Variants in SLC13A1 observed in about 807,000 individuals in gnomAD.
SLC13A1 encodes the protein solute carrier family 13 member 1.
In SLC13A1, 65 loss-of-function variants were observed where a neutral mutation model predicts 70.0. That is an observed-to-expected ratio of 0.93 (90% CI 0.76 to 1.14). The LOEUF is 1.14. Among genes scored for constraint, SLC13A1 ranks in the 50% most tolerant of loss-of-function variants. The pLI is 0.00. For synonymous variants in SLC13A1, 275 were observed against 250.5 expected, an observed-to-expected ratio of 1.10 and a Z score of -0.92; for missense variants, 726 against 717.8, an observed-to-expected ratio of 1.01 and a Z score of -0.13.
intron 2 of SLC13A1, among the ~76,000 whole-genome samples, chr7:123,177,188 T>G (rs1295500963): frequency 6.6e-6 from 1 of 152,148 alleles, no homozygotes; most frequent in Non-Finnish European, 1.5e-5. Flanking sequence ...ATTTTCCCAA[T>G]TGGCAGATAA....
intron 8 of SLC13A1, among the ~76,000 whole-genome samples, chr7:123,132,712 T>C (rs1455011116): frequency 1.3e-5 from 2 of 152,216 alleles, no homozygotes; most frequent in Non-Finnish European, 2.9e-5. Context: ...GTTTTATTCA[T>C]AGGTCCTTGA....
At chr7:123,161,839 A>G (rs760719342) in intron 6 of SLC13A1, among the ~76,000 whole-genome samples, 5 of 152,184 alleles carry the variant, frequency 3.3e-5, no homozygotes, top group Admixed American at 6.6e-5. Flanking sequence ...GTGATTCTGT[A>G]AGGAAAAGAG....
At position 123,157,568 on chromosome 7, in the gene SLC13A1, G is replaced by A. The variant is rs966136197; in HGVS notation, c.661-10258C>T. 2.6e-5 allele frequency among the ~76,000 whole-genome samples: 4 copies of A among 151,924 alleles called. No individual in the cohort carries two copies. The South Asian group carries it at 6.2e-4, about 24-fold the overall frequency. On this transcript the variant is annotated intron_variant, in intron 6 of 14. Transcript: ENST00000194130. ...TTCCCTTATACTTTCTTAGGAAAAA[G>A]CATATGTGTATGTGTGTTTGTGTGT...
intron 6 of SLC13A1, among the ~76,000 whole-genome samples, chr7:123,163,554 C>A (rs943840525): frequency 2.0e-4 from 31 of 152,058 alleles, no homozygotes; most frequent in Non-Finnish European, 1.0e-4. Context: ...ATCACGCCAG[C>A]AAAATGATCA....
chr7:123,117,665 T>TAA (rs77661092), intron 13 of SLC13A1, 57 bp from the exon 14 acceptor site: 185 of 865,216 alleles, frequency 2.1e-4, no homozygotes, highest in South Asian at 2.8e-4. Context: ...ACACGAAACA[T>TAA]AAAAAAAAAA....
chr7:123,138,681 T>A (rs959419426), intron 7 of SLC13A1, among the ~76,000 whole-genome samples: 15 of 152,262 alleles, frequency 9.9e-5, no homozygotes, highest in African/African-American at 3.1e-4. Flanking sequence ...TGATGTTGCA[T>A]GCTTTTTCAT....
intron 6 of SLC13A1, among the ~76,000 whole-genome samples, chr7:123,164,658 A>C (rs1462103193): frequency 6.6e-6 from 1 of 151,942 alleles, no homozygotes; most frequent in Non-Finnish European, 1.5e-5. Flanking sequence ...TTATATAGGT[A>C]AACTCATGTC....
intron 3 of SLC13A1, among the ~76,000 whole-genome samples, chr7:123,171,040 A>G (rs897147714): frequency 6.6e-6 from 1 of 152,312 alleles, no homozygotes; most frequent in South Asian, 2.1e-4. Flanking sequence ...ATTATGCAAT[A>G]TAAGTCAATA....
Position 123,123,112 on chromosome 7 carries a change from A to C in SLC13A1, c.1350+14T>G. 1 of 1,533,898 alleles carries C rather than the reference A, an allele frequency of 6.5e-7. No individual in the cohort carries two copies. The highest frequency in any genetic ancestry group is 9.0e-7 in the Non-Finnish European group (1 of 1,107,278). The stretch of plus-strand genomic sequence containing the variant: ...TCTGGTTAATTGTTAAATATCTTAC[A>C]CACAGAGTATTACCTCACAACCATC... On this transcript the variant is annotated intron_variant, in intron 12 of 14. Coordinates refer to ENST00000194130, the MANE Select transcript of SLC13A1 (RefSeq NM_022444.4).
intron 6 of SLC13A1, among the ~76,000 whole-genome samples, chr7:123,158,326 T>G (rs2116482251): frequency 6.6e-6 from 1 of 152,110 alleles, no homozygotes; most frequent in African/African-American, 2.4e-5. Flanking sequence ...AAATAGAGTT[T>G]ACATAAATTA....
chr7:123,190,055 C>T (rs1009221842), intron 1 of SLC13A1, among the ~76,000 whole-genome samples: 1 of 152,106 alleles, frequency 6.6e-6, no homozygotes, highest in African/African-American at 2.4e-5. Context: ...ATGATTCTCT[C>T]ACTTAAAGAT....
intron 2 of SLC13A1, 134 bp downstream of exon 2, chr7:123,180,839 A>C: frequency 2.4e-6 from 2 of 848,274 alleles, no homozygotes; most frequent in East Asian, 2.9e-5. Flanking sequence ...AGAGAGGAGA[A>C]ACAGTTGGAA....
intron 1 of SLC13A1, among the ~76,000 whole-genome samples, chr7:123,186,959 T>C (rs971228457): frequency 5.4e-5 from 8 of 148,726 alleles, no homozygotes; most frequent in Non-Finnish European, 7.4e-5. Flanking sequence ...CTTCTCAAAA[T>C]AAAGAAAGAG....
intron 1 of SLC13A1, among the ~76,000 whole-genome samples, chr7:123,184,078 A>G (rs940461861): frequency 1.8e-4 from 27 of 152,192 alleles, no homozygotes; most frequent in Admixed American, 1.6e-3. Context: ...AAGAAAACCA[A>G]AGGTCTGGAA....
intron 1 of SLC13A1, among the ~76,000 whole-genome samples, chr7:123,188,208 A>T (rs1187396348): frequency 6.6e-6 from 1 of 152,070 alleles, no homozygotes; most frequent in Non-Finnish European, 1.5e-5. Context: ...TTAATTTGGC[A>T]CTTCTCCTTC....
intron 2 of SLC13A1, among the ~76,000 whole-genome samples, chr7:123,172,902 T>A (rs1795321135): frequency 6.6e-6 from 1 of 152,196 alleles, no homozygotes; most frequent in Non-Finnish European, 1.5e-5. Flanking sequence ...CAATAGTGTA[T>A]AATGTCATTT....
At position 123,149,002 on chromosome 7, in the gene SLC13A1, C is replaced by T. The variant is rs77770409; in HGVS notation, c.661-1692G>A. Among the ~76,000 whole-genome samples the T allele has an allele frequency of 2.5e-3, 379 of 152,146 alleles. 12 individuals are homozygous for T. In the East Asian group the frequency reaches 0.057, roughly 23 times the overall value. ...TTTTGAAATGACTCCATCTGGTGGG[C>T]AATTTTATGAGATTTTATGAGACTC... On this transcript the variant is annotated intron_variant, in intron 6 of 14. Coordinates refer to ENST00000194130, the MANE Select transcript of SLC13A1 (RefSeq NM_022444.4).
rs1355673010 is a variant in SLC13A1 at position 123,114,511 on chromosome 7, T to G, written c.*1007A>C. On this transcript the variant is annotated 3_prime_UTR_variant, in exon 15 of 15. Coordinates refer to ENST00000194130, the MANE Select transcript of SLC13A1 (RefSeq NM_022444.4). ...ACGTCAGCAGTTTTCATTCTTATTC[T>G]TTTTTCCTTCTTTTTTTCATTTTTT... 1 of 152,150 alleles carries G rather than the reference T, an allele frequency of 6.6e-6. No individual in the cohort carries two copies. The highest frequency in any genetic ancestry group is 1.5e-5 in the Non-Finnish European group (1 of 68,016). 9.4% of individuals were successfully genotyped at this position (152,150 alleles called of 1,614,324 possible).
chr7:123,133,129 G>A (rs1793823540), intron 8 of SLC13A1, among the ~76,000 whole-genome samples: 1 of 152,036 alleles, frequency 6.6e-6, no homozygotes, highest in South Asian at 2.1e-4. Flanking sequence ...CTGATTTTCT[G>A]GGTAAATTCT....
Sources: gnomAD v4.1 joint callset for allele counts (sites outside exome capture counted in the v4.1 genomes callset) on GRCh38, gnomAD v4.1.1 for gene constraint, MANE v1.5 for transcripts, NCBI Gene and HGNC (gene_info 2026-07-23, HGNC 2026-07-21) for gene names.